The following VCPIP1 variants were observed in gnomAD, a reference collection of about 807,000 sequenced individuals.
The protein encoded by VCPIP1 is deubiquitinating protein VCPIP1.
VCPIP1 carries 8 observed loss-of-function variants against 85.0 expected under a neutral mutation model. The ratio of observed to expected loss-of-function variants is 0.09; its 90% confidence interval spans 0.06 to 0.17. The LOEUF (loss-of-function observed/expected upper bound fraction) is 0.17. VCPIP1 is among the 10% of genes least tolerant of loss of function. The pLI is 1.00. For synonymous variants in VCPIP1, 543 were observed against 544.5 expected (o/e 1.00, Z 0.04); for missense variants, 1,070 against 1,486.3 (o/e 0.72, Z 4.61).
In VCPIP1 at chr8:66,665,960, A is replaced by C. The variant is rs1439959664; in HGVS notation, c.999T>G (p.Thr333=). The change falls in exon 1 of 3, where the codon ACT becomes ACG. Residue 333 remains threonine, a synonymous_variant. Coordinates refer to ENST00000310421, the MANE Select transcript of VCPIP1 (RefSeq NM_025054.5). The surrounding 1 kb of genome is among the most constrained non-coding windows in gnomAD (Gnocchi z 4.3). ...GTTTGTTCAAATGACCATCTTTCCC[A>C]GTGCACTTCTCTGCAGGGATGAGCC... is the stretch of plus-strand genomic sequence containing the variant. The part of the protein sequence containing the change: ...LPGLIPAEKC[T]GKDGHLNKPI... 6.2e-7 allele frequency: 1 copy of C among 1,614,066 alleles called. No homozygotes were observed. The highest frequency in any genetic ancestry group is 2.2e-5 in the East Asian group (1 of 44,892).
rs760382251 is a variant in VCPIP1, at chr8:66,649,971, T to C, written c.2797+1487A>G. Among the ~76,000 whole-genome samples the C allele has an allele frequency of 5.3e-5, 8 of 152,238 alleles. No individual in the cohort carries two copies. In the South Asian group the frequency reaches 1.0e-3, roughly 20 times the overall value. Reference sequence around the variant, plus strand: ...GAAGAAAACATTTTTTAGAAAATTATCAACGTTAATTATCAAGAAAATTCA... The same window carrying C: ...GAAGAAAACATTTTTTAGAAAATTACCAACGTTAATTATCAAGAAAATTCA... On this transcript the variant is annotated intron_variant, in intron 2 of 2. Transcript: ENST00000310421.
chr8:66,658,536 T>C (rs527762746), intron 1 of VCPIP1, among the ~76,000 whole-genome samples: 2 of 152,120 alleles, frequency 1.3e-5, no homozygotes, highest in South Asian at 4.2e-4. Flanking sequence ...GTCACCAGGC[T>C]GGAGTGCAAT....
intron 1 of VCPIP1, among the ~76,000 whole-genome samples, chr8:66,653,959 C>T (rs1811076103): frequency 1.3e-5 from 2 of 152,276 alleles, no homozygotes; most frequent in South Asian, 4.1e-4. Context: ...TGTTCCATTG[C>T]TTTAAGGGAA....
rs914148951 is a variant in VCPIP1 at position 66,634,668 on chromosome 8, C to T, written c.3502G>A (p.Glu1168Lys). Residue 1168 changes from glutamate (E) to lysine (K), a missense_variant, in exon 3 of 3, where the codon GAA becomes AAA. Physicochemically the swap from Glu to Lys is moderately conservative, Grantham distance 56 (BLOSUM62 1). This residue lies in a region of VCPIP1 where 255 missense variants were observed against 289.5 expected (regional missense o/e 0.88). Coordinates refer to ENST00000310421, the MANE Select transcript of VCPIP1 (RefSeq NM_025054.5). Reference sequence around the variant, plus strand: ...TCAGTTGTTTCTGTATTCAAATTTTCAGTACCACCAGTTAAAGGAAAAGAT... The same window carrying T: ...TCAGTTGTTTCTGTATTCAAATTTTTAGTACCACCAGTTAAAGGAAAAGAT... ...PESFPLTGGT[E>K]NLNTETTDGC... The T allele has an allele frequency of 2.5e-6, 4 of 1,613,204 alleles. No homozygotes were observed. In the African/African-American group the frequency reaches 4.0e-5, roughly 16 times the overall value.
At chr8:66,656,452 C>T (rs930537842) in intron 1 of VCPIP1, among the ~76,000 whole-genome samples, 1 of 152,160 alleles carries the variant, frequency 6.6e-6, no homozygotes, top group African/African-American at 2.4e-5. Context: ...CTTGGCCTCC[C>T]AAAGTGCTGG....
At chr8:66,656,082 AT>A (rs1291059930) in intron 1 of VCPIP1, among the ~76,000 whole-genome samples, 2 of 152,090 alleles carry the variant, frequency 1.3e-5, no homozygotes, top group African/African-American at 4.8e-5. Context: ...GTTAAAATAC[AT>A]TTTTTAAAAT....
rs1419440111 is a variant in VCPIP1, at chr8:66,666,530, T to A, written c.429A>T (p.Thr143=). ...TGTCCCGGAGAAGCTTGGCCCGGCC[T>A]GTCTGTTTGTCCATTCCATAGCGAG... ...ILARYGMDKQ[T]GRAKLLRDMN... is the part of the protein sequence containing the mutation. Residue 143 remains threonine, a synonymous_variant, in exon 1 of 3, where the codon ACA becomes ACT. Coordinates refer to ENST00000310421, the MANE Select transcript of VCPIP1 (RefSeq NM_025054.5). The surrounding 1 kb of genome is among the most constrained non-coding windows in gnomAD (Gnocchi z 6.3). 6.2e-7 allele frequency: 1 copy of A among 1,614,184 alleles called. No individual in the cohort carries two copies. The highest frequency in any genetic ancestry group is 1.1e-5 in the South Asian group (1 of 91,088).
At chr8:66,641,558 T>A (rs1386401992) in intron 2 of VCPIP1, among the ~76,000 whole-genome samples, 1 of 152,156 alleles carries the variant, frequency 6.6e-6, no homozygotes. Flanking sequence ...TGTGGAACTT[T>A]TAGAACAGTT....
intron 1 of VCPIP1, among the ~76,000 whole-genome samples, chr8:66,660,216 C>T (rs1197635691): frequency 6.6e-6 from 1 of 152,112 alleles, no homozygotes; most frequent in Non-Finnish European, 1.5e-5. Context: ...TTCATTAATC[C>T]AACAAGCATT....
intron 2 of VCPIP1, among the ~76,000 whole-genome samples, chr8:66,650,881 A>AT (rs1308197745): frequency 6.7e-6 from 1 of 149,754 alleles, no homozygotes; most frequent in African/African-American, 2.4e-5. Context: ...AAAAAAAAAA[A>AT]AAAAAAAAGA....
chr8:66,645,822 T>G, intron 2 of VCPIP1, among the ~76,000 whole-genome samples: 1 of 150,102 alleles, frequency 6.7e-6, no homozygotes, highest in East Asian at 2.0e-4. Flanking sequence ...TCCCTGCTAC[T>G]CAGAAGGCCA....
chr8:66,647,161 T>C (rs1811005100), intron 2 of VCPIP1, among the ~76,000 whole-genome samples: 1 of 151,894 alleles, frequency 6.6e-6, no homozygotes, highest in Non-Finnish European at 1.5e-5. Flanking sequence ...GCCAAGATGG[T>C]GAAACCCTGT....
At chr8:66,646,301 G>A (rs1403388640) in intron 2 of VCPIP1, among the ~76,000 whole-genome samples, 1 of 151,868 alleles carries the variant, frequency 6.6e-6, no homozygotes, top group Non-Finnish European at 1.5e-5. Flanking sequence ...TCAAACTCTT[G>A]ACCTCAAGTG....
intron 1 of VCPIP1, among the ~76,000 whole-genome samples, chr8:66,664,035 G>A (rs1209429671): frequency 1.3e-5 from 2 of 152,102 alleles, no homozygotes; most frequent in Non-Finnish European, 2.9e-5. Context: ...GACTATTATT[G>A]AGGGACTACC....
chr8:66,634,683 A>G lies in VCPIP1; in HGVS notation c.3487T>C (p.Leu1163=). 1.2e-6 allele frequency: 2 copies of G among 1,614,136 alleles called. No homozygotes were observed. The highest frequency in any genetic ancestry group is 1.7e-6 in the Non-Finnish European group (2 of 1,180,006). Residue 1163 remains leucine (L), a synonymous_variant, in exon 3 of 3, where the codon TTA becomes CTA. Transcript: ENST00000310421. ...LQTGLPESFP[L]TGGTENLNTE... ...TTCAAATTTTCAGTACCACCAGTTA[A>G]AGGAAAAGATTCAGGCAAACCAGTC...
In VCPIP1 at chr8:66,643,880, C is replaced by T. The variant is rs531882579; in HGVS notation, c.2797+7578G>A. 3.0e-5 allele frequency among the ~76,000 whole-genome samples: 3 copies of T among 100,968 alleles called. No individual in the cohort carries two copies. The East Asian group carries it at 8.3e-4, about 28-fold the overall frequency. The allele number at this position is 100,968 out of a possible 152,430, so 66.2% of individuals were successfully genotyped here. On this transcript the variant is annotated intron_variant, in intron 2 of 2. Transcript: ENST00000310421. ...TGAAAAGATCAACAGCCAGAATGGACAGCCAAAAAAAAAAAAAAAAAAAGA... is the reference window on the plus strand; with the variant it reads ...TGAAAAGATCAACAGCCAGAATGGATAGCCAAAAAAAAAAAAAAAAAAAGA...
At chr8:66,658,111 G>A (rs888937591) in intron 1 of VCPIP1, among the ~76,000 whole-genome samples, 13 of 152,046 alleles carry the variant, frequency 8.6e-5, no homozygotes, top group Non-Finnish European at 1.6e-4. Context: ...CCAGGTGGGC[G>A]GATCACGAGG....
At chr8:66,660,333 G>A (rs1380676517) in intron 1 of VCPIP1, among the ~76,000 whole-genome samples, 2 of 152,130 alleles carry the variant, frequency 1.3e-5, no homozygotes, top group African/African-American at 4.8e-5. Flanking sequence ...AATATAGTGG[G>A]GGAGGCAAAC....
In VCPIP1 at chr8:66,665,301, C is replaced by T. The variant is rs1359091394; in HGVS notation, c.1658G>A (p.Gly553Glu). 1 of 1,614,050 alleles carries T rather than the reference C, an allele frequency of 6.2e-7. No individual in the cohort carries two copies. The highest frequency in any genetic ancestry group is 8.5e-7 in the Non-Finnish European group (1 of 1,179,976). The change falls in exon 1 of 3, where the codon GGG becomes GAG. Residue 553 changes from glycine to glutamate, a missense_variant. This residue lies in a region of VCPIP1 where 123 missense variants were observed against 156.3 expected (regional missense o/e 0.79). Transcript: ENST00000310421. The surrounding 1 kb of genome is among the most constrained non-coding windows in gnomAD (Gnocchi z 4.3). ...GTCTCCATCCAAATACACAATAGAC[C>T]CATCTCCTCTGACCTTTCGCACAGA... ...GTSVRKVRGD[G>E]SIVYLDGDRT...
Sources: allele counts gnomAD v4.1 joint callset (sites outside exome capture counted in the v4.1 genomes callset), GRCh38; gene constraint gnomAD v4.1.1; regional missense constraint gnomAD v4.1.1; non-coding constraint Gnocchi (gnomAD v3.1); transcripts MANE v1.5; gene names NCBI Gene and HGNC (gene_info 2026-07-23, HGNC 2026-07-21).